The following NRG3 variants were observed in gnomAD, a reference collection of about 807,000 sequenced individuals.
NRG3 encodes the protein pro-neuregulin-3, membrane-bound isoform.
A neutral mutation model predicts 66.9 loss-of-function variants in NRG3; 31 were observed. The observed-to-expected ratio is 0.46, with a 90% CI of 0.35 to 0.63. NRG3 has a LOEUF of 0.63. Among genes scored for constraint, NRG3 ranks in the 20% least tolerant of loss-of-function variants. The pLI, the probability that NRG3 is intolerant of heterozygous loss-of-function variation, is 0.00. For missense variants in NRG3, 910 were observed against 878.9 expected (o/e 1.04, Z -0.45); for synonymous variants, 393 against 359.4 (o/e 1.09, Z -1.06).
intron 1 of NRG3, among the ~76,000 whole-genome samples, chr10:82,215,622 C>T (rs1336291): frequency 0.11 from 16,055 of 152,092 alleles, 912 homozygotes; most frequent in Middle Eastern, 0.18. Context: ...ATTATGCAAT[C>T]GATGGGTGAA....
At chr10:81,989,708 G>A (rs774394607) in intron 1 of NRG3, among the ~76,000 whole-genome samples, 7 of 152,274 alleles carry the variant, frequency 4.6e-5, no homozygotes, top group Non-Finnish European at 8.8e-5. Context: ...AAAACTCTCA[G>A]TAGGAAGCAT....
chr10:82,759,943 G>A (rs749899204), intron 3 of NRG3, among the ~76,000 whole-genome samples: 8 of 152,118 alleles, frequency 5.3e-5, no homozygotes, highest in South Asian at 2.1e-4. Context: ...TTCTGCATGC[G>A]TGAGTTGCTG....
chr10:82,610,915 A>T (rs560438800), intron 2 of NRG3, among the ~76,000 whole-genome samples: 30 of 152,342 alleles, frequency 2.0e-4, no homozygotes, highest in African/African-American at 7.2e-4. Context: ...AACCAAATCT[A>T]TATTTTGGAA....
chr10:82,343,027 C>A (rs1305370999), intron 1 of NRG3, among the ~76,000 whole-genome samples: 1 of 152,042 alleles, frequency 6.6e-6, no homozygotes, highest in Non-Finnish European at 1.5e-5. Flanking sequence ...AATAGAGTGT[C>A]CTCTCCCCAG....
At chr10:81,958,850 C>G (rs1850087105) in intron 1 of NRG3, among the ~76,000 whole-genome samples, 1 of 151,930 alleles carries the variant, frequency 6.6e-6, no homozygotes. Context: ...AAACAAGCCC[C>G]ACTACACTCC....
chr10:82,854,455 C>A lies in NRG3; in HGVS notation c.1028-10956C>A, dbSNP rs990292278. Among the ~76,000 whole-genome samples the A allele has an allele frequency of 2.0e-5, 3 of 152,058 alleles. No individual in the cohort carries two copies. In the East Asian group the frequency reaches 5.8e-4, roughly 29 times the overall value. On this transcript the variant is annotated intron_variant, in intron 3 of 8. Coordinates refer to ENST00000372141, the MANE Select transcript of NRG3 (RefSeq NM_001010848.4). ...TGGGGAAAAGGGGAGAAAGGGTGTT[C>A]TTTATTTTTTGTTGTTTAATCTTTC...
intron 1 of NRG3, among the ~76,000 whole-genome samples, chr10:81,976,145 A>G (rs770639474): frequency 3.3e-5 from 5 of 152,236 alleles, no homozygotes; most frequent in Non-Finnish European, 7.3e-5. Context: ...CATTAGTAAT[A>G]GTAAACTAAT....
chr10:82,948,236 T>C (rs1849201944), intron 4 of NRG3, among the ~76,000 whole-genome samples: 1 of 152,116 alleles, frequency 6.6e-6, no homozygotes, highest in African/African-American at 2.4e-5. Context: ...AAGTTTCGAA[T>C]ATTATATTTC....
At chr10:82,622,057 A>G (rs1419969775) in intron 2 of NRG3, among the ~76,000 whole-genome samples, 2 of 152,168 alleles carry the variant, frequency 1.3e-5, no homozygotes, top group African/African-American at 4.8e-5. Flanking sequence ...CAGCTGAGAA[A>G]TTTATGTCCA....
chr10:82,642,258 G>A (rs2050633804), intron 2 of NRG3, among the ~76,000 whole-genome samples: 1 of 125,316 alleles, frequency 8.0e-6, no homozygotes, highest in Admixed American at 8.0e-5. Flanking sequence ...TAACCAAATA[G>A]TAGATGGAGT....
intron 4 of NRG3, among the ~76,000 whole-genome samples, chr10:82,904,351 G>C (rs1844518831): frequency 6.6e-6 from 1 of 152,174 alleles, no homozygotes; most frequent in Non-Finnish European, 1.5e-5. Context: ...GGTAATCACA[G>C]TGCCTCTTTA....
intron 2 of NRG3, among the ~76,000 whole-genome samples, chr10:82,365,744 T>C (rs1465932737): frequency 1.3e-5 from 2 of 152,178 alleles, no homozygotes; most frequent in Non-Finnish European, 2.9e-5. Context: ...CAACACATCA[T>C]TTAGTTATTA....
At chr10:82,239,106 G>A (rs946027300) in intron 1 of NRG3, among the ~76,000 whole-genome samples, 12 of 151,362 alleles carry the variant, frequency 7.9e-5, no homozygotes, top group African/African-American at 2.4e-4. Flanking sequence ...TATAGTATGA[G>A]CCAGTATTTA....
chr10:82,719,920 A>T (rs1340316621), intron 2 of NRG3, among the ~76,000 whole-genome samples: 2 of 152,208 alleles, frequency 1.3e-5, no homozygotes, highest in African/African-American at 4.8e-5. Flanking sequence ...AGAGATTAGG[A>T]TATTAGTACA....
At chr10:82,872,121 G>C (rs1841395873) in intron 4 of NRG3, among the ~76,000 whole-genome samples, 1 of 152,150 alleles carries the variant, frequency 6.6e-6, no homozygotes, top group South Asian at 2.1e-4. Flanking sequence ...TACCATAAAT[G>C]GGTGTTGGAT....
intron 1 of NRG3, among the ~76,000 whole-genome samples, chr10:81,945,722 T>G (rs564617206): frequency 6.6e-6 from 1 of 152,278 alleles, no homozygotes; most frequent in South Asian, 2.1e-4. Flanking sequence ...AATGTGACTT[T>G]ATTTGGAAAT....
In NRG3 at chr10:82,117,120, A is replaced by T. The variant is rs1043684896; in HGVS notation, c.823+240957A>T. ...CGATAGCCACCTTGCTTTATCTGTC[A>T]TAGGTCATATTTAAGGATAATTTCC... On this transcript the variant is annotated intron_variant, in intron 1 of 8. Coordinates refer to ENST00000372141, the MANE Select transcript of NRG3 (RefSeq NM_001010848.4). Among the ~76,000 whole-genome samples, 4 of 152,156 alleles carry T rather than the reference A, an allele frequency of 2.6e-5. No homozygotes were observed. The South Asian group carries it at 8.3e-4, about 32-fold the overall frequency.
chr10:82,691,431 C>A (rs1355462859), intron 2 of NRG3, among the ~76,000 whole-genome samples: 1 of 152,158 alleles, frequency 6.6e-6, no homozygotes, highest in African/African-American at 2.4e-5. Context: ...CCCTGCCACC[C>A]CCGCACACAC....
intron 2 of NRG3, among the ~76,000 whole-genome samples, chr10:82,558,067 G>A (rs934677188): frequency 6.6e-6 from 1 of 152,188 alleles, no homozygotes; most frequent in Non-Finnish European, 1.5e-5. Flanking sequence ...ATTTGGGCTA[G>A]GATTTGACAT....
Sources: gnomAD v4.1 joint callset for allele counts (sites outside exome capture counted in the v4.1 genomes callset) on GRCh38, gnomAD v4.1.1 for gene constraint, MANE v1.5 for transcripts, NCBI Gene and HGNC (gene_info 2026-07-23, HGNC 2026-07-21) for gene names.